GALNT15: variants seen among roughly 807,000 people sequenced by gnomAD.
The protein encoded by GALNT15 is UDP-GalNAc transferase T15.
In GALNT15, 67 loss-of-function variants were observed where a neutral mutation model predicts 66.8. The observed-to-expected ratio is 1.00, with a 90% CI of 0.82 to 1.23. The LOEUF is 1.23. Ranked by LOEUF, GALNT15 falls within the 50% of genes most tolerant of loss-of-function variation. The pLI, the probability that GALNT15 is intolerant of heterozygous loss-of-function variation, is 0.00. For synonymous variants in GALNT15, 313 were observed against 311.5 expected (o/e 1.00, Z -0.05); for missense variants, 827 against 804.3 (o/e 1.03, Z -0.34).
At position 16,229,199 on chromosome 3, in the gene GALNT15, C is replaced by T. The variant is rs73035525; in HGVS notation, c.*1699C>T. ...TTCCAAACAATACCTATCATAACTA[C>T]GTATTCATTGTCTACCTGCTAAGTC... On this transcript the variant is annotated 3_prime_UTR_variant, in exon 10 of 10. Transcript: ENST00000339732. The T allele has an allele frequency of 4.8e-5, 47 of 985,174 alleles. No homozygotes were observed. The highest frequency in any genetic ancestry group is 5.2e-5 in the African/African-American group (3 of 57,334). The allele number at this position is 985,174 out of a possible 1,614,324, so 61.0% of individuals were successfully genotyped here. A position where few individuals can be genotyped will look rare whatever the true frequency, so the allele number is the denominator to read the frequency against.
chr3:16,179,058 T>A (rs1179853857), intron 1 of GALNT15, among the ~76,000 whole-genome samples: 1 of 152,170 alleles, frequency 6.6e-6, no homozygotes, highest in Non-Finnish European at 1.5e-5. Context: ...TAGGTGGCAT[T>A]TGAGGAAAAT....
chr3:16,197,097 G>A (rs775626725), intron 2 of GALNT15, among the ~76,000 whole-genome samples: 36 of 152,206 alleles, frequency 2.4e-4, no homozygotes, highest in Non-Finnish European at 4.4e-4. Flanking sequence ...AAAGTGCCCA[G>A]AGACTCTCCA....
chr3:16,175,556 G>C lies in GALNT15; in HGVS notation c.405G>C (p.Trp135Cys). The C allele has an allele frequency of 6.8e-6, 11 of 1,614,050 alleles. No homozygotes were observed. Among genetic ancestry groups the C allele is most frequent in the Non-Finnish European group, 9.3e-6 (11 of 1,179,984 alleles). ...RQDKEAPKRD[W>C]GADEDGEVSE... ...ATAAGGAAGCCCCAAAGAGGGACTG[G>C]GGGGCTGATGAGGACGGGGAGGTGT... Residue 135 changes from tryptophan (W) to cysteine (C), a missense_variant, in exon 1 of 10, where the codon TGG becomes TGC. Physicochemically the swap from Trp to Cys is radical, Grantham distance 215. Transcript: ENST00000339732. This position sits in a 1 kb window ranked among gnomAD's most constrained non-coding sequence, Gnocchi z 5.6.
chr3:16,201,104 C>T (rs918496686), intron 3 of GALNT15, among the ~76,000 whole-genome samples: 3 of 152,176 alleles, frequency 2.0e-5, no homozygotes, highest in Non-Finnish European at 4.4e-5. Flanking sequence ...TATTAAATTG[C>T]ATGACGAGGG....
At chr3:16,244,983 A>C in the GALNT15 span, among the ~76,000 whole-genome samples, 1 of 152,070 alleles carries the variant, frequency 6.6e-6, no homozygotes, top group Admixed American at 6.5e-5. Flanking sequence ...TGTCTTCTGC[A>C]TTATGCACCA....
chr3:16,212,507 C>T, intron 5 of GALNT15, 62 bp from the exon 6 acceptor site: 1 of 1,500,694 alleles, frequency 6.7e-7, no homozygotes, highest in African/African-American at 1.4e-5. Context: ...GATAGGGCTC[C>T]CTATTTCCCG....
rs762736653 is a variant in GALNT15 at position 16,212,527 on chromosome 3, A to G, written c.1198-42A>G. ...GGCTCCCTATTTCCCGCCGTTCTTA[A>G]AGGTGGAATGCTGAGGTGTTTATCT... On this transcript the variant is annotated intron_variant, in intron 5 of 9. Transcript: ENST00000339732. The G allele has an allele frequency of 2.5e-6, 4 of 1,572,228 alleles. No individual in the cohort carries two copies. In the Admixed American group the frequency reaches 7.1e-5, roughly 28 times the overall value.
At chr3:16,236,651 A>AAGGGG (rs755218578), downstream of GALNT15, among the ~76,000 whole-genome samples, 20 of 152,262 alleles carry the variant, frequency 1.3e-4, no homozygotes, top group Non-Finnish European at 2.6e-4. Flanking sequence ...CAGAACAGCA[A>AAGGGG]AAAATAACAA....
intron 3 of GALNT15, 25 bp from the exon 4 acceptor site, chr3:16,208,478 T>G (rs377656578): frequency 1.9e-6 from 3 of 1,611,530 alleles, no homozygotes; most frequent in Non-Finnish European, 2.5e-6. Context: ...TTACGTCCCT[T>G]GTTTAATTCC....
chr3:16,229,465 G>A lies in GALNT15; in HGVS notation c.*1965G>A, dbSNP rs1424778810. On this transcript the variant is annotated 3_prime_UTR_variant, in exon 10 of 10. Coordinates refer to ENST00000339732, the MANE Select transcript of GALNT15 (RefSeq NM_054110.5). The stretch of plus-strand genomic sequence containing the variant: ...AGAACATTTCATCACAGTTCTGTTG[G>A]ACCAATCTAGATAGATTCATTATCC... 5.1e-6 allele frequency: 5 copies of A among 980,320 alleles called. No individual in the cohort carries two copies. Among genetic ancestry groups the A allele is most frequent in the African/African-American group, 1.8e-5 (1 of 57,088 alleles). 60.7% of individuals were successfully genotyped at this position (980,320 alleles called of 1,614,324 possible). A position where few individuals can be genotyped will look rare whatever the true frequency, so the allele number is the denominator to read the frequency against.
chr3:16,214,381 G>A (rs1217460028), intron 6 of GALNT15, among the ~76,000 whole-genome samples: 3 of 152,224 alleles, frequency 2.0e-5, no homozygotes, highest in Admixed American at 2.0e-4. Context: ...TGATCCGAAA[G>A]TTACTTAAAC....
rs139073860 is a variant in GALNT15, at chr3:16,207,647, A to T, written c.912-856A>T. On this transcript the variant is annotated intron_variant, in intron 3 of 9. Coordinates refer to ENST00000339732, the MANE Select transcript of GALNT15 (RefSeq NM_054110.5). ...GATGTTCATATATGCATGCATTGACAGTAGGGTTACTTCTAGGGCTTGGAA... is the reference window on the plus strand; with the variant it reads ...GATGTTCATATATGCATGCATTGACTGTAGGGTTACTTCTAGGGCTTGGAA... Among the ~76,000 whole-genome samples the T allele has an allele frequency of 2.0e-5, 3 of 151,932 alleles. No individual in the cohort carries two copies. The East Asian group carries it at 5.8e-4, about 29-fold the overall frequency.
In GALNT15 at chr3:16,200,888, C is replaced by T; in HGVS notation, c.911+65C>T. ...TGGGAGAAACAGTCTACAGCATCAG[C>T]CACTCACAGAGCAACCCACCTATTA... On this transcript the variant is annotated intron_variant, in intron 3 of 9. Coordinates refer to ENST00000339732, the MANE Select transcript of GALNT15 (RefSeq NM_054110.5). This position sits in a 1 kb window ranked among gnomAD's most constrained non-coding sequence, Gnocchi z 4.4. 1.5e-6 allele frequency: 2 copies of T among 1,290,918 alleles called. No homozygotes were observed. The highest frequency in any genetic ancestry group is 1.5e-5 in the South Asian group (1 of 67,216). The allele number at this position is 1,290,918 out of a possible 1,614,324, so 80.0% of individuals were successfully genotyped here. A position where few individuals can be genotyped will look rare whatever the true frequency, so the allele number is the denominator to read the frequency against.
At chr3:16,220,098 C>A (rs984487597) in intron 8 of GALNT15, 84 bp downstream of exon 8, 1 of 1,013,596 alleles carries the variant, frequency 9.9e-7, no homozygotes, top group African/African-American at 1.6e-5. Context: ...CCCCATACTT[C>A]CCTTTGAGGT....
chr3:16,220,172 A>AGTGGG, intron 8 of GALNT15, 158 bp downstream of exon 8: 1 of 644,646 alleles, frequency 1.6e-6, no homozygotes, highest in Non-Finnish European at 2.8e-6. Context: ...GACTCATCAC[A>AGTGGG]GCTCTCCTCA....
At position 16,200,766 on chromosome 3, in the gene GALNT15, A is replaced by C; in HGVS notation, c.854A>C (p.His285Pro). The C allele has an allele frequency of 6.2e-7, 1 of 1,612,392 alleles. No homozygotes were observed. The highest frequency in any genetic ancestry group is 8.5e-7 in the Non-Finnish European group (1 of 1,179,378). Residue 285 changes from histidine to proline, a missense_variant, in exon 3 of 10, where the codon CAC becomes CCC. Transcript: ENST00000339732. The surrounding 1 kb of genome is among the most constrained non-coding windows in gnomAD (Gnocchi z 4.4). ...GATGTGCTCGTCTTCATGGATGCCC[A>C]CTGCGAGTGCCACCCAGGCTGGCTG... is the stretch of plus-strand genomic sequence containing the variant. Reference protein sequence around the residue: ...TGDVLVFMDAHCECHPGWLEP... With the variant: ...TGDVLVFMDAPCECHPGWLEP...
Position 16,225,405 on chromosome 3 carries a change from T to A in GALNT15, c.1774-1949T>A, listed in dbSNP as rs559347377. Among the ~76,000 whole-genome samples, 9 of 152,298 alleles carry A rather than the reference T, an allele frequency of 5.9e-5. No individual in the cohort carries two copies. In the South Asian group the frequency reaches 1.9e-3, roughly 32 times the overall value. On this transcript the variant is annotated intron_variant, in intron 9 of 9. Transcript: ENST00000339732. The surrounding 1 kb of genome is among the most constrained non-coding windows in gnomAD (Gnocchi z 4.4). ...GCTATGTGTTTTTATCACAATTTTT[T>A]TAAAAAAGAGGCCAGGCTCAATGGC...
rs1255097982 is a variant in GALNT15, at chr3:16,175,913, T to G, written c.539+223T>G. Among the ~76,000 whole-genome samples the G allele has an allele frequency of 6.6e-6, 1 of 152,198 alleles. No individual in the cohort carries two copies. The highest frequency in any genetic ancestry group is 1.5e-5 in the Non-Finnish European group (1 of 68,026). ...CCCAGACCTGCCAAACAAGAAACTC[T>G]GGGTGGGGTCCAGTGGTCTGTATGA... is the stretch of plus-strand genomic sequence containing the variant. On this transcript the variant is annotated intron_variant, in intron 1 of 9. Coordinates refer to ENST00000339732, the MANE Select transcript of GALNT15 (RefSeq NM_054110.5). This position sits in a 1 kb window ranked among gnomAD's most constrained non-coding sequence, Gnocchi z 5.6.
chr3:16,214,594 C>A (rs574784461), intron 6 of GALNT15, among the ~76,000 whole-genome samples: 1 of 151,890 alleles, frequency 6.6e-6, no homozygotes, highest in East Asian at 1.9e-4. Context: ...GTGCCAGGCC[C>A]TGGGTGGGTC....
Sources: allele counts gnomAD v4.1 joint callset (sites outside exome capture counted in the v4.1 genomes callset), GRCh38; gene constraint gnomAD v4.1.1; non-coding constraint Gnocchi (gnomAD v3.1); transcripts MANE v1.5; gene names NCBI Gene and HGNC (gene_info 2026-07-23, HGNC 2026-07-21).